Variants in ATP8A1 observed in about 807,000 individuals in gnomAD.
ATP8A1 encodes phospholipid-transporting ATPase IA.
In ATP8A1, 90 loss-of-function variants were observed where a neutral mutation model predicts 177.7. The ratio of observed to expected loss-of-function variants is 0.51; its 90% confidence interval spans 0.43 to 0.60. The LOEUF is 0.60. ATP8A1 is among the 20% of genes least tolerant of loss of function. ATP8A1 has a pLI of 0.00. For missense variants in ATP8A1, 1,072 were observed against 1,392.8 expected, an observed-to-expected ratio of 0.77 and a Z score of 3.67; for synonymous variants, 493 against 485.9, an observed-to-expected ratio of 1.01 and a Z score of -0.19.
intron 16 of ATP8A1, among the ~76,000 whole-genome samples, chr4:42,555,139 A>ATCTATCTATCTATCTAATCTATCT (rs1553903246): frequency 1.7e-5 from 1 of 59,556 alleles, no homozygotes; most frequent in African/African-American, 7.0e-5. Flanking sequence ...CTATCTATCT[A>ATCTATCTATCTATCTAATCTATCT]ATCTATCTAT....
chr4:42,594,287 A>G (rs1734499306), intron 6 of ATP8A1: 1 of 1,578,632 alleles, frequency 6.3e-7, no homozygotes, highest in Non-Finnish European at 8.7e-7. Flanking sequence ...AGGCATCTCT[A>G]CCTTGATGAG....
intron 1 of ATP8A1, among the ~76,000 whole-genome samples, chr4:42,641,983 A>G: frequency 6.7e-6 from 1 of 149,278 alleles, no homozygotes. Context: ...AAAACAACTC[A>G]CCTTTGTTTT....
chr4:42,607,069 TA>T (rs1735867525), intron 5 of ATP8A1, among the ~76,000 whole-genome samples: 2 of 152,202 alleles, frequency 1.3e-5, no homozygotes, highest in Admixed American at 6.5e-5. Context: ...GAATCCTAAC[TA>T]AATAGAGTAA....
intron 24 of ATP8A1, among the ~76,000 whole-genome samples, chr4:42,497,549 T>C (rs996718097): frequency 6.6e-6 from 1 of 152,146 alleles, no homozygotes; most frequent in Non-Finnish European, 1.5e-5. Context: ...TATTCAGGGT[T>C]GAGGGGTGGA....
At chr4:42,436,694 A>G (rs576457825) in intron 33 of ATP8A1, among the ~76,000 whole-genome samples, 1 of 152,302 alleles carries the variant, frequency 6.6e-6, no homozygotes, top group Non-Finnish European at 1.5e-5. Flanking sequence ...TGTTCCCTCC[A>G]GGCTACTTGG....
intron 35 of ATP8A1, among the ~76,000 whole-genome samples, chr4:42,420,810 C>T (rs1713822740): frequency 6.6e-6 from 1 of 151,264 alleles, no homozygotes; most frequent in African/African-American, 2.4e-5. Context: ...GCTCTGTCAC[C>T]CAGGCTGGAG....
intron 25 of ATP8A1, among the ~76,000 whole-genome samples, chr4:42,472,946 T>C (rs17630592): frequency 0.3 from 45,550 of 151,802 alleles, 8,074 homozygotes; most frequent in East Asian, 0.57. Flanking sequence ...GGTTTCAAAT[T>C]TGGGTTACTG....
intron 25 of ATP8A1, among the ~76,000 whole-genome samples, chr4:42,474,685 G>A (rs1720857972): frequency 1.3e-5 from 2 of 152,154 alleles, no homozygotes; most frequent in South Asian, 4.1e-4. Flanking sequence ...AACAAGAGGA[G>A]AGCTCAGGTA....
chr4:42,589,429 T>C (rs920253539), intron 7 of ATP8A1, among the ~76,000 whole-genome samples: 10 of 152,212 alleles, frequency 6.6e-5, no homozygotes, highest in African/African-American at 2.4e-4. Context: ...AGACTATTCC[T>C]AGTTTCAGAA....
chr4:42,642,447 C>T (rs976620429), intron 1 of ATP8A1, among the ~76,000 whole-genome samples: 32 of 152,250 alleles, frequency 2.1e-4, no homozygotes, highest in African/African-American at 6.7e-4. Flanking sequence ...AAGGAATGGT[C>T]GGCATCCTTC....
intron 22 of ATP8A1, among the ~76,000 whole-genome samples, chr4:42,518,517 C>T (rs1374365575): frequency 6.6e-6 from 1 of 152,204 alleles, no homozygotes; most frequent in Non-Finnish European, 1.5e-5. Flanking sequence ...CAGTTTGGAT[C>T]TCCTCTCTAC....
At chr4:42,481,125 T>G (rs1721628387) in intron 25 of ATP8A1, among the ~76,000 whole-genome samples, 1 of 152,186 alleles carries the variant, frequency 6.6e-6, no homozygotes, top group African/African-American at 2.4e-5. Context: ...ACTGCAACAT[T>G]CCCACTCTCT....
intron 1 of ATP8A1, among the ~76,000 whole-genome samples, chr4:42,645,315 T>G (rs1465573443): frequency 1.3e-5 from 2 of 152,238 alleles, no homozygotes; most frequent in African/African-American, 2.4e-5. Flanking sequence ...ATTGATTTTC[T>G]TTGGTAAATA....
chr4:42,578,902 C>T (rs528736892), intron 11 of ATP8A1, among the ~76,000 whole-genome samples: 1 of 151,976 alleles, frequency 6.6e-6, no homozygotes, highest in African/African-American at 2.4e-5. Flanking sequence ...ATACCAGATA[C>T]AATTATAAAG....
chr4:42,504,018 C>A (rs569959515), intron 23 of ATP8A1, among the ~76,000 whole-genome samples: 2 of 152,172 alleles, frequency 1.3e-5, no homozygotes, highest in Admixed American at 6.5e-5. Context: ...CAAAAATCCT[C>A]CCTTTGTTCA....
At chr4:42,611,032 C>A (rs528423976) in intron 5 of ATP8A1, among the ~76,000 whole-genome samples, 13 of 152,174 alleles carry the variant, frequency 8.5e-5, no homozygotes, top group Admixed American at 8.5e-4. Flanking sequence ...AGATGAACTC[C>A]GCCTTGTTGT....
chr4:42,497,147 T>C (rs1218386443), intron 24 of ATP8A1, among the ~76,000 whole-genome samples: 5 of 152,242 alleles, frequency 3.3e-5, no homozygotes, highest in African/African-American at 1.2e-4. Context: ...AAAACCAAAA[T>C]CAAACAAAAA....
At chr4:42,607,732 C>T (rs1372626015) in intron 5 of ATP8A1, among the ~76,000 whole-genome samples, 3 of 151,482 alleles carry the variant, frequency 2.0e-5, no homozygotes, top group Non-Finnish European at 4.4e-5. Context: ...AGAATGTGTT[C>T]AAGAAACCAG....
At chr4:42,550,846 A>C (rs1164724038) in intron 18 of ATP8A1, among the ~76,000 whole-genome samples, 1 of 152,206 alleles carries the variant, frequency 6.6e-6, no homozygotes, top group African/African-American at 2.4e-5. Context: ...TCTTTTGCCC[A>C]CTTTAAAACT....
Sources: allele counts gnomAD v4.1 joint callset (sites outside exome capture counted in the v4.1 genomes callset), GRCh38; gene constraint gnomAD v4.1.1; transcripts MANE v1.5; gene names NCBI Gene and HGNC (gene_info 2026-07-23, HGNC 2026-07-21).